The following ITGB5 variants were observed in gnomAD, a reference collection of about 807,000 sequenced individuals.
ITGB5 encodes integrin beta-5.
Under a neutral mutation model 84.8 loss-of-function variants are expected in ITGB5, and 38 were observed. The ratio of observed to expected loss-of-function variants is 0.45; its 90% CI spans 0.35 to 0.59. The LOEUF is 0.59. Among genes scored for constraint, ITGB5 ranks in the 20% least tolerant of loss-of-function variants. The pLI is 0.01. For missense variants in ITGB5, 905 were observed against 1,034.5 expected, an observed-to-expected ratio of 0.87 and a Z score of 1.72; for synonymous variants, 393 against 414.4, an observed-to-expected ratio of 0.95 and a Z score of 0.63.
upstream of ITGB5, among the ~76,000 whole-genome samples, chr3:124,891,278 G>A (rs1235395732): frequency 2.0e-5 from 3 of 152,156 alleles, no homozygotes; most frequent in Non-Finnish European, 4.4e-5. Context: ...AAGGTTCATA[G>A]CAGCATTATT....
chr3:124,771,726 T>A (rs1300674545), intron 11 of ITGB5, among the ~76,000 whole-genome samples: 4 of 108,914 alleles, frequency 3.7e-5, no homozygotes, highest in Non-Finnish European at 7.2e-5. Flanking sequence ...CCAGCCTGGG[T>A]GGCGGGAGTG....
At chr3:124,764,596 A>C (rs2150918994) in intron 13 of ITGB5, 39 bp from the exon 14 acceptor site, 2 of 1,581,216 alleles carry the variant, frequency 1.3e-6, no homozygotes, top group East Asian at 4.5e-5. Flanking sequence ...AGCCACTAGC[A>C]TCACCATGCC....
rs138774116 is a variant in ITGB5 at position 124,769,101 on chromosome 3, C to T, written c.1929G>A (p.Glu643=). The T allele has an allele frequency of 8.4e-5, 135 of 1,614,012 alleles. No homozygotes were observed. The African/African-American group carries it at 1.2e-3, about 15-fold the overall frequency. Residue 643 remains glutamate, a synonymous_variant, in exon 12 of 15, where the codon GAG becomes GAA. Coordinates refer to ENST00000296181, the MANE Select transcript of ITGB5 (RefSeq NM_002213.5). ...GTTTCCCAGAGTGGAGCAGCAGGCA[C>T]TCGACGCAATCTCTTTGGAAAAGAG... is the stretch of plus-strand genomic sequence containing the variant. The part of the protein sequence containing the change: ...DACSTKRDCV[E]CLLLHSGKPD...
chr3:124,788,965 G>T (rs1559933556), intron 10 of ITGB5, among the ~76,000 whole-genome samples: 1 of 152,126 alleles, frequency 6.6e-6, no homozygotes, highest in Non-Finnish European at 1.5e-5. Flanking sequence ...ATGCTGAGGT[G>T]GGAGGATCCC....
intron 9 of ITGB5, among the ~76,000 whole-genome samples, chr3:124,799,671 AGAAG>A (rs139220983): frequency 0.048 from 7,354 of 152,314 alleles, 252 homozygotes; most frequent in South Asian, 0.09. Context: ...TAAATGCCCT[AGAAG>A]GAAGTGTCCT....
intron 9 of ITGB5, among the ~76,000 whole-genome samples, chr3:124,802,573 G>A (rs1235768516): frequency 1.1e-4 from 16 of 152,342 alleles, no homozygotes. Context: ...AGTCACAAGG[G>A]CCCCCACTCA....
intron 14 of ITGB5, 46 bp from the exon 15 acceptor site, chr3:124,763,764 C>T (rs766221724): frequency 8.7e-7 from 1 of 1,144,624 alleles, no homozygotes; most frequent in Admixed American, 1.7e-5. Flanking sequence ...TGTTAGCTCA[C>T]ACACTCAAAC....
At chr3:124,818,632 G>C (rs2064647677) in intron 7 of ITGB5, among the ~76,000 whole-genome samples, 1 of 146,908 alleles carries the variant, frequency 6.8e-6, no homozygotes, top group Non-Finnish European at 1.5e-5. Flanking sequence ...TCCTGCCTCA[G>C]CCTCCCCGGT....
At chr3:124,861,328 T>C (rs1488605559) in intron 2 of ITGB5, among the ~76,000 whole-genome samples, 1 of 151,820 alleles carries the variant, frequency 6.6e-6, no homozygotes, top group Non-Finnish European at 1.5e-5. Flanking sequence ...ATGAGTTTTC[T>C]AGCCAGCCAT....
chr3:124,853,808 G>A (rs565976139), intron 3 of ITGB5, among the ~76,000 whole-genome samples: 5 of 152,128 alleles, frequency 3.3e-5, no homozygotes, highest in Admixed American at 1.3e-4. Context: ...TGAGGACAGC[G>A]GAGAAGGGTA....
intron 11 of ITGB5, chr3:124,769,670 T>C (rs1459079586): frequency 6.6e-6 from 1 of 152,304 alleles, no homozygotes; most frequent in African/African-American, 2.4e-5. Context: ...GCAATTCTGA[T>C]GCATGTCGAG....
chr3:124,767,459 C>T (rs1332087490), intron 12 of ITGB5, among the ~76,000 whole-genome samples: 1 of 152,204 alleles, frequency 6.6e-6, no homozygotes, highest in African/African-American at 2.4e-5. Context: ...CTGCTGCTCT[C>T]TCAGAGGACT....
chr3:124,777,949 A>G (rs2063948406), intron 10 of ITGB5, among the ~76,000 whole-genome samples: 1 of 152,172 alleles, frequency 6.6e-6, no homozygotes, highest in African/African-American at 2.4e-5. Context: ...GGAGGAACAC[A>G]TGTCATCAAA....
chr3:124,839,168 G>A (rs771446518), intron 5 of ITGB5, among the ~76,000 whole-genome samples: 2 of 152,166 alleles, frequency 1.3e-5, no homozygotes, highest in African/African-American at 4.8e-5. Flanking sequence ...TAACTTTCCA[G>A]GTATTCCCTT....
chr3:124,900,484 G>A (rs545566875), intron 1 of ITGB5, among the ~76,000 whole-genome samples: 5 of 152,294 alleles, frequency 3.3e-5, no homozygotes, highest in South Asian at 4.1e-4. Context: ...CCCACATGTC[G>A]TGATTGTGGG....
rs543173596 is a variant in ITGB5, at chr3:124,827,442, T to C, written c.781-5968A>G. 3.9e-5 allele frequency among the ~76,000 whole-genome samples: 6 copies of C among 152,368 alleles called. No individual in the cohort carries two copies. The South Asian group carries it at 6.2e-4, about 16-fold the overall frequency. On this transcript the variant is annotated intron_variant, in intron 5 of 14. Transcript: ENST00000296181. The stretch of plus-strand genomic sequence containing the variant: ...TCTTCTCCTTTTACTAATTGATATG[T>C]GAAGCTATATAACTGTTACAGGGAA...
intron 10 of ITGB5, among the ~76,000 whole-genome samples, chr3:124,779,333 A>G (rs1173645243): frequency 6.6e-6 from 1 of 151,940 alleles, no homozygotes; most frequent in Non-Finnish European, 1.5e-5. Context: ...GAGGGAGCAA[A>G]GGGGATGGAA....
At chr3:124,794,279 G>C (rs1365446595) in intron 10 of ITGB5, among the ~76,000 whole-genome samples, 1 of 152,200 alleles carries the variant, frequency 6.6e-6, no homozygotes, top group East Asian at 1.9e-4. Flanking sequence ...CGCAATACCA[G>C]AGTGGGAACT....
chr3:124,802,202 T>C (rs2064325883), intron 9 of ITGB5, among the ~76,000 whole-genome samples: 1 of 152,172 alleles, frequency 6.6e-6, no homozygotes, highest in Non-Finnish European at 1.5e-5. Context: ...CCATCTTGAG[T>C]GAGCACGGGA....
Sources: gnomAD v4.1 joint callset for allele counts (sites outside exome capture counted in the v4.1 genomes callset) on GRCh38, gnomAD v4.1.1 for gene constraint, MANE v1.5 for transcripts, NCBI Gene and HGNC (gene_info 2026-07-23, HGNC 2026-07-21) for gene names.